KIF19: variants seen among roughly 807,000 people sequenced by gnomAD.
KIF19 encodes the protein kinesin family member 19, also known as kinesin-like protein KIF19.
In KIF19, 98 loss-of-function variants were observed where a neutral mutation model predicts 106.6. That is an observed-to-expected ratio of 0.92 (90% CI 0.78 to 1.09). The LOEUF (loss-of-function observed/expected upper bound fraction) is 1.09, where lower values mean the gene tolerates loss of function less well. Ranked by LOEUF, KIF19 falls within the 50% of genes least tolerant of loss-of-function variation. The probability of loss-of-function intolerance (pLI) is 0.00; values close to 1 mark genes in which losing one functional copy is unlikely to be tolerated. For synonymous variants in KIF19, 516 were observed against 584.2 expected (o/e 0.88, Z 1.68); for missense variants, 1,373 against 1,414.3 (o/e 0.97, Z 0.47).
chr17:74,326,859 GGAGT>G (rs1438917379), intron 1 of KIF19, among the ~76,000 whole-genome samples: 1 of 75,050 alleles, frequency 1.3e-5, no homozygotes, highest in African/African-American at 3.0e-5. Context: ...GATGGGGCCC[GGAGT>G]GCCTGGTTCT....
At chr17:74,341,811 G>A in intron 2 of KIF19, 65 bp from the exon 3 acceptor site, 4 of 1,062,550 alleles carry the variant, frequency 3.8e-6, no homozygotes, top group Admixed American at 1.7e-5. Flanking sequence ...ACCTTCCTGA[G>A]GGTTGACCTC....
In KIF19 at chr17:74,344,888, T is replaced by A. The variant is rs2054490905; in HGVS notation, c.710T>A (p.Ile237Asn). 1.2e-6 allele frequency: 2 copies of A among 1,612,472 alleles called. No homozygotes were observed. The highest frequency in any genetic ancestry group is 8.5e-7 in the Non-Finnish European group (1 of 1,179,800). ...TVRQRSRVKN[I>N]LQEVRQGRLF... is the part of the protein sequence containing the mutation. ...CGCCAGCGCAGCCGGGTCAAGAACA[T>A]CTTGCAGGAGGTGCGGCAGGGCCGC... The change falls in exon 7 of 20, where the codon ATC becomes AAC. Residue 237 changes from isoleucine (I) to asparagine (N), a missense_variant. Physicochemically the swap from Ile to Asn is moderately radical, Grantham distance 149. Transcript: ENST00000389916.
Position 74,331,961 on chromosome 17 carries a change from A to G in KIF19, c.120+3456A>G, listed in dbSNP as rs1237148092. 3.9e-5 allele frequency among the ~76,000 whole-genome samples: 6 copies of G among 152,094 alleles called. No individual in the cohort carries two copies. The highest frequency in any genetic ancestry group is 2.0e-4 in the Admixed American group (3 of 15,282). On this transcript the variant is annotated intron_variant, in intron 2 of 19. Coordinates refer to ENST00000389916, the MANE Select transcript of KIF19 (RefSeq NM_153209.4). The surrounding 1 kb of genome is among the most constrained non-coding windows in gnomAD (Gnocchi z 4.1). Reference sequence around the variant, plus strand: ...CCGTTCAATTCCATTAGTAGTCACAATGCCTTCTTTAGAGGGTCCCTGTGG... The same window carrying G: ...CCGTTCAATTCCATTAGTAGTCACAGTGCCTTCTTTAGAGGGTCCCTGTGG...
intron 17 of KIF19, among the ~76,000 whole-genome samples, 176 bp downstream of exon 17, chr17:74,353,757 A>G (rs1333543082): frequency 6.6e-6 from 1 of 152,232 alleles, no homozygotes; most frequent in Non-Finnish European, 1.5e-5. Context: ...AGGACACTTA[A>G]GAGTCTTCTC....
intron 5 of KIF19, among the ~76,000 whole-genome samples, chr17:74,343,836 C>G (rs1295075015): frequency 1.3e-5 from 2 of 152,178 alleles, no homozygotes; most frequent in African/African-American, 2.4e-5. Context: ...AACAGGGCTC[C>G]TCACTGGGTG....
Position 74,346,317 on chromosome 17 carries a change from G to T in KIF19, c.778-61G>T. On this transcript the variant is annotated intron_variant, in intron 7 of 19. Coordinates refer to ENST00000389916, the MANE Select transcript of KIF19 (RefSeq NM_153209.4). The surrounding 1 kb of genome is among the most constrained non-coding windows in gnomAD (Gnocchi z 4.6). ...CAGGTCATTCATTGGTGGGGTGGCT[G>T]GGGAGAAACCCAGTCCCCTGCCTCA... 6.6e-7 allele frequency: 1 copy of T among 1,514,048 alleles called. No homozygotes were observed. The allele number at this position is 1,514,048 out of a possible 1,614,324, so 93.8% of individuals were successfully genotyped here.
Position 74,350,906 on chromosome 17 carries a change from G to C in KIF19, c.1587+1G>C. On this transcript the variant is annotated splice_donor_variant, in intron 12 of 19. Transcript: ENST00000389916. LOFTEE classifies it high-confidence loss of function. Reference sequence around the variant, plus strand: ...GCAGAAGCAACTGCGCAAGCAGAAGGTGTCCAGGGTTTGGGGGGACAAGGA... The same window carrying C: ...GCAGAAGCAACTGCGCAAGCAGAAGCTGTCCAGGGTTTGGGGGGACAAGGA... 6.2e-7 allele frequency: 1 copy of C among 1,613,464 alleles called. No individual in the cohort carries two copies.
rs200801050 is a variant in KIF19, at chr17:74,349,295, G to A, written c.1159G>A (p.Gly387Arg). The A allele has an allele frequency of 1.9e-6, 3 of 1,612,452 alleles. No homozygotes were observed. Among genetic ancestry groups the A allele is most frequent in the African/African-American group, 1.3e-5 (1 of 75,056 alleles). Reference protein sequence around the residue: ...RLKRKIDEQTGRGQARGRQDR... With the variant: ...RLKRKIDEQTRRGQARGRQDR... The stretch of plus-strand genomic sequence containing the variant: ...CAAGCGCAAGATTGATGAGCAGACT[G>A]GGCGGGGCCAGGCCCGGGGCCGGCA... Residue 387 changes from glycine (G) to arginine (R), a missense_variant, in exon 10 of 20, where the codon GGG becomes AGG. Physicochemically the swap from Gly to Arg is moderately radical, Grantham distance 125 (BLOSUM62 -2). Around this residue, in one of 3 missense-constraint regions of KIF19, gnomAD observed 1,020 missense variants for 1,008.2 expected, o/e 1.01. Coordinates refer to ENST00000389916, the MANE Select transcript of KIF19 (RefSeq NM_153209.4).
chr17:74,345,004 A>C, intron 7 of KIF19, 49 bp downstream of exon 7: 1 of 1,516,016 alleles, frequency 6.6e-7, no homozygotes. Flanking sequence ...TGACCCAGGC[A>C]ACAGCGGAGG....
rs749524661 is a variant in KIF19 at position 74,346,424 on chromosome 17, G to A, written c.824G>A (p.Arg275His). 29 of 1,573,288 alleles carry A rather than the reference G, an allele frequency of 1.8e-5. No homozygotes were observed. The highest frequency in any genetic ancestry group is 1.8e-4 in the South Asian group (15 of 85,390). Reference sequence around the variant, plus strand: ...ATGAAGGAGGGGGCCCACATCAACCGCTCACTGCTGGCACTGGGCAACTGC... The same window carrying A: ...ATGAAGGAGGGGGCCCACATCAACCACTCACTGCTGGCACTGGGCAACTGC... ...QRMKEGAHIN[R>H]SLLALGNCIN... The change falls in exon 8 of 20, where the codon CGC becomes CAC. Residue 275 changes from arginine to histidine, a missense_variant. Transcript: ENST00000389916. This position sits in a 1 kb window ranked among gnomAD's most constrained non-coding sequence, Gnocchi z 4.6.
At chr17:74,352,482 C>T in intron 14 of KIF19, 142 bp downstream of exon 14, 1 of 1,130,842 alleles carries the variant, frequency 8.8e-7, no homozygotes, top group Non-Finnish European at 1.2e-6. Flanking sequence ...TTCCTTCTTA[C>T]CCCACCCAAA....
chr17:74,340,084 C>A (rs868466724), intron 2 of KIF19, among the ~76,000 whole-genome samples: 1 of 152,154 alleles, frequency 6.6e-6, no homozygotes, highest in Non-Finnish European at 1.5e-5. Flanking sequence ...GTCTTCCCAG[C>A]GCTGCAGGTG....
intron 2 of KIF19, among the ~76,000 whole-genome samples, chr17:74,334,032 C>A (rs1223045048): frequency 6.6e-6 from 1 of 151,822 alleles, no homozygotes; most frequent in African/African-American, 2.4e-5. Context: ...GCTATCTTGC[C>A]CAGGCTGGTC....
chr17:74,333,815 A>G (rs1423268386), intron 2 of KIF19, among the ~76,000 whole-genome samples: 4 of 148,162 alleles, frequency 2.7e-5, no homozygotes, highest in African/African-American at 1.0e-4. Flanking sequence ...GTTCATTCAC[A>G]TTATAGCTCC....
intron 2 of KIF19, among the ~76,000 whole-genome samples, chr17:74,338,559 C>T (rs1226350887): frequency 6.6e-6 from 1 of 152,028 alleles, no homozygotes; most frequent in African/African-American, 2.4e-5. Context: ...GCCTCCTCTT[C>T]CCGCTTCCCT....
At chr17:74,352,795 G>C (rs1424385532) in intron 14 of KIF19, 26 bp from the exon 15 acceptor site, 1 of 1,613,610 alleles carries the variant, frequency 6.2e-7, no homozygotes, top group East Asian at 2.2e-5. Flanking sequence ...TCTTCTAACT[G>C]TCCACCCTGG....
rs1567914188 is a variant in KIF19, at chr17:74,347,852, CG to C, written c.1002del (p.Asn335ThrfsTer3). 6.3e-7 allele frequency: 1 copy of C among 1,586,540 alleles called. No homozygotes were observed. The highest frequency in any genetic ancestry group is 1.2e-5 in the South Asian group (1 of 86,678). On this transcript the variant is annotated frameshift_variant, in exon 9 of 20. Coordinates refer to ENST00000389916, the MANE Select transcript of KIF19 (RefSeq NM_153209.4). LOFTEE classifies it high-confidence loss of function. The stretch of plus-strand genomic sequence containing the variant: ...TGCGAGCAGTGCCTTCGAGGAGTCC[CG>C]GAACACCCTGACCTACGCCGGCCGG... ...SPASSAFEES[R>X]NTLTYAGRAK...
chr17:74,352,104 G>A lies in KIF19; in HGVS notation c.1825G>A (p.Glu609Lys), dbSNP rs749288022. 3.2e-6 allele frequency: 5 copies of A among 1,586,652 alleles called. No individual in the cohort carries two copies. Among genetic ancestry groups the A allele is most frequent in the Middle Eastern group, 1.7e-4 (1 of 5,970 alleles). ...GGAGCAGCACCGCAGTCTCTGCGAC[G>A]AGATTATCCAGGGCCAGCGGCAGAT... Reference protein sequence around the residue: ...RLEQHRSLCDEIIQGQRQIID... With the variant: ...RLEQHRSLCDKIIQGQRQIID... Residue 609 changes from glutamate to lysine, a missense_variant, in exon 13 of 20, where the codon GAG becomes AAG. Physicochemically the swap from Glu to Lys is moderately conservative, Grantham distance 56. Coordinates refer to ENST00000389916, the MANE Select transcript of KIF19 (RefSeq NM_153209.4).
intron 8 of KIF19, 76 bp from the exon 9 acceptor site, chr17:74,347,701 A>C: frequency 6.6e-7 from 1 of 1,517,002 alleles, no homozygotes; most frequent in Non-Finnish European, 8.9e-7. Flanking sequence ...CTCGCCAGGG[A>C]GGGCATCGTG....
Sources: gnomAD v4.1 joint callset for allele counts (sites outside exome capture counted in the v4.1 genomes callset) on GRCh38, gnomAD v4.1.1 for gene constraint, gnomAD v4.1.1 regional missense constraint, Gnocchi (gnomAD v3.1) non-coding constraint, MANE v1.5 for transcripts, NCBI Gene and HGNC (gene_info 2026-07-23, HGNC 2026-07-21) for gene names.